Variants in PHF20L1 observed in about 807,000 individuals in gnomAD.
PHF20L1 encodes PHD finger protein 20-like protein 1.
A neutral mutation model predicts 125.5 loss-of-function variants in PHF20L1; 44 were observed. The ratio of observed to expected loss-of-function variants is 0.35; its 90% CI spans 0.28 to 0.45. PHF20L1 has a LOEUF of 0.45. Ranked by LOEUF, PHF20L1 falls within the 20% of genes least tolerant of loss-of-function variation. The probability of loss-of-function intolerance (pLI) is 1.00; values close to 1 mark genes in which losing one functional copy is unlikely to be tolerated. For synonymous variants in PHF20L1, 380 were observed against 403.1 expected, an observed-to-expected ratio of 0.94 and a Z score of 0.69; for missense variants, 1,012 against 1,217.2, an observed-to-expected ratio of 0.83 and a Z score of 2.51.
At chr8:132,806,863 CTATTT>C (rs1833769947) in intron 8 of PHF20L1, 2 of 152,044 alleles carry the variant, frequency 1.3e-5, no homozygotes, top group South Asian at 4.1e-4. Context: ...TCTCTCCACT[CTATTT>C]TATTATTTTT....
intron 15 of PHF20L1, among the ~76,000 whole-genome samples, chr8:132,835,021 G>T (rs1837188606): frequency 6.6e-6 from 1 of 152,020 alleles, no homozygotes; most frequent in Non-Finnish European, 1.5e-5. Flanking sequence ...ACTAAATCAT[G>T]TGAAAAATGT....
chr8:132,836,467 A>G, intron 15 of PHF20L1, 73 bp from the exon 16 acceptor site: 2 of 967,380 alleles, frequency 2.1e-6, no homozygotes, highest in Non-Finnish European at 3.1e-6. Flanking sequence ...CACTTCTCAT[A>G]GCTCCTTTCT....
At chr8:132,844,399 T>A in intron 20 of PHF20L1, 81 bp downstream of exon 20, 1 of 1,149,298 alleles carries the variant, frequency 8.7e-7, no homozygotes, top group East Asian at 2.5e-5. Context: ...ATTCTTAAAT[T>A]ATGGGATGAA....
rs1336185118 is a variant in PHF20L1, at chr8:132,777,809, C to G, written c.-20C>G. On this transcript the variant is annotated 5_prime_UTR_variant, in exon 2 of 21. Coordinates refer to ENST00000395386, the MANE Select transcript of PHF20L1 (RefSeq NM_016018.5). Reference sequence around the variant, plus strand: ...CTCTTGAGGTAGTGAAAAGAGAATACTGAAGAATAGGATCTCAAGATGAGT... The same window carrying G: ...CTCTTGAGGTAGTGAAAAGAGAATAGTGAAGAATAGGATCTCAAGATGAGT... 3.9e-6 allele frequency: 6 copies of G among 1,550,342 alleles called. No individual in the cohort carries two copies. Among genetic ancestry groups the G allele is most frequent in the Admixed American group, 1.7e-5 (1 of 59,608 alleles).
At chr8:132,801,748 A>C (rs936229581) in intron 6 of PHF20L1, among the ~76,000 whole-genome samples, 1 of 145,726 alleles carries the variant, frequency 6.9e-6, no homozygotes, top group African/African-American at 2.6e-5. Flanking sequence ...ATAAACGTAA[A>C]AGCAAACACA....
At chr8:132,791,596 G>A (rs1831715472) in intron 2 of PHF20L1, among the ~76,000 whole-genome samples, 1 of 152,134 alleles carries the variant, frequency 6.6e-6, no homozygotes, top group Admixed American at 6.5e-5. Flanking sequence ...TGCCTAGCAA[G>A]TGCCTTAGTC....
At chr8:132,829,709 C>T (rs1346955632) in intron 14 of PHF20L1, among the ~76,000 whole-genome samples, 1 of 152,048 alleles carries the variant, frequency 6.6e-6, no homozygotes, top group African/African-American at 2.4e-5. Flanking sequence ...ACACCGATAT[C>T]ACTTATTTGT....
intron 4 of PHF20L1, among the ~76,000 whole-genome samples, chr8:132,798,051 GC>G (rs1832620105): frequency 6.6e-6 from 1 of 151,990 alleles, no homozygotes; most frequent in Admixed American, 6.6e-5. Flanking sequence ...AAGTGAATAT[GC>G]TTCATAATAG....
chr8:132,812,544 A>G, intron 9 of PHF20L1: 3 of 984,890 alleles, frequency 3.0e-6, no homozygotes, highest in Non-Finnish European at 3.6e-6. Flanking sequence ...TTTTGTAACA[A>G]AGAGACCAAC....
chr8:132,842,515 G>T lies in PHF20L1; in HGVS notation c.2388G>T (p.Lys796Asn). Residue 796 changes from lysine to asparagine, a missense_variant and splice_region_variant, in exon 19 of 21, where the codon AAG becomes AAT. Around this residue, in one of 7 missense-constraint regions of PHF20L1, gnomAD observed 277 missense variants for 283.6 expected, o/e 0.98. Coordinates refer to ENST00000395386, the MANE Select transcript of PHF20L1 (RefSeq NM_016018.5). ...GCTGTTTTTCCAACTTTGTTTTAAG[G>T]AATAAACATCATCCTGACCTTCATC... is the stretch of plus-strand genomic sequence containing the variant. Reference protein sequence around the residue: ...HGLQLKIGILKNKHHPDLHLW... With the variant: ...HGLQLKIGILNNKHHPDLHLW... 6.3e-7 allele frequency: 1 copy of T among 1,579,404 alleles called. No individual in the cohort carries two copies. The highest frequency in any genetic ancestry group is 1.2e-5 in the South Asian group (1 of 84,422).
intron 15 of PHF20L1, chr8:132,836,230 G>A: frequency 5.1e-6 from 1 of 196,822 alleles, no homozygotes; most frequent in Non-Finnish European, 1.0e-5. Flanking sequence ...TTGTGAAAGT[G>A]TATGGAAACT....
chr8:132,804,473 TTG>T lies in PHF20L1; in HGVS notation c.722-138_722-137del, dbSNP rs556623467. 3,706 of 548,356 alleles carry T rather than the reference TTG, an allele frequency of 6.8e-3. 29 individuals are homozygous for T. The highest frequency in any genetic ancestry group is 0.01 in the Non-Finnish European group (3,139 of 308,744). 34.0% of individuals were successfully genotyped at this position (548,356 alleles called of 1,614,324 possible). ...TTCTAATATATTAGTCTGGAGGGAT[TTG>T]TGTTTTTCAAAGGTCTGTATCAAGT... On this transcript the variant is annotated intron_variant, in intron 7 of 20. Transcript: ENST00000395386.
chr8:132,784,115 C>A (rs939341292), intron 2 of PHF20L1, among the ~76,000 whole-genome samples: 3 of 152,106 alleles, frequency 2.0e-5, no homozygotes, highest in Admixed American at 2.0e-4. Context: ...TTCCCTCTAC[C>A]CCTCCAAAAA....
chr8:132,781,844 G>A (rs1830467218), intron 2 of PHF20L1, among the ~76,000 whole-genome samples: 1 of 152,172 alleles, frequency 6.6e-6, no homozygotes, highest in African/African-American at 2.4e-5. Flanking sequence ...CCATCAAGAG[G>A]TCAGTCATCT....
At chr8:132,799,214 G>C in intron 6 of PHF20L1, 42 bp downstream of exon 6, 1 of 1,169,654 alleles carries the variant, frequency 8.5e-7, no homozygotes, top group Non-Finnish European at 1.2e-6. Context: ...GTTTTTCCTG[G>C]TATATAATGT....
intron 2 of PHF20L1, among the ~76,000 whole-genome samples, chr8:132,779,738 T>C (rs557413768): frequency 6.6e-6 from 1 of 152,344 alleles, no homozygotes; most frequent in South Asian, 2.1e-4. Context: ...GTTAAATTTA[T>C]GATCCAGTAG....
In PHF20L1 at chr8:132,800,254, C is replaced by T. The variant is rs927261692; in HGVS notation, c.507+1082C>T. Among the ~76,000 whole-genome samples the T allele has an allele frequency of 7.3e-5, 11 of 151,594 alleles. 1 individual carries two copies. Among genetic ancestry groups the T allele is most frequent in the Admixed American group, 1.3e-4 (2 of 15,164 alleles). On this transcript the variant is annotated intron_variant, in intron 6 of 20. Coordinates refer to ENST00000395386, the MANE Select transcript of PHF20L1 (RefSeq NM_016018.5). ...TTAATAAGTAGTGATTCTTTAGTCA[C>T]ACTATGATGCATTATAACATTAAGA... is the stretch of plus-strand genomic sequence containing the variant.
intron 18 of PHF20L1, among the ~76,000 whole-genome samples, chr8:132,840,172 C>G (rs1029221802): frequency 6.6e-6 from 1 of 152,042 alleles, no homozygotes; most frequent in African/African-American, 2.4e-5. Context: ...AAACAAAAAC[C>G]CACATTTTAG....
chr8:132,828,285 C>T (rs776682036), intron 14 of PHF20L1, among the ~76,000 whole-genome samples: 2 of 151,830 alleles, frequency 1.3e-5, no homozygotes, highest in Non-Finnish European at 2.9e-5. Flanking sequence ...TCATATTAAC[C>T]CTTTACAATA....
Sources: gnomAD v4.1 joint callset for allele counts (sites outside exome capture counted in the v4.1 genomes callset) on GRCh38, gnomAD v4.1.1 for gene constraint, gnomAD v4.1.1 regional missense constraint, MANE v1.5 for transcripts, NCBI Gene and HGNC (gene_info 2026-07-23, HGNC 2026-07-21) for gene names.